The following SLC8A1 variants were observed in gnomAD, a reference collection of about 807,000 sequenced individuals.
SLC8A1 encodes the protein sodium/calcium exchanger 1.
Under a neutral mutation model 68.3 loss-of-function variants are expected in SLC8A1, and 18 were observed. The ratio of observed to expected loss-of-function variants is 0.26; its 90% CI spans 0.18 to 0.39. The LOEUF (loss-of-function observed/expected upper bound fraction) is 0.39, where lower values mean the gene tolerates loss of function less well. Ranked by LOEUF, SLC8A1 falls within the 10% of genes least tolerant of loss-of-function variation. The pLI, the probability that SLC8A1 is intolerant of heterozygous loss-of-function variation, is 1.00. For missense variants in SLC8A1, 985 were observed against 1,156.7 expected (o/e 0.85, Z 2.15); for synonymous variants, 475 against 415.5 (o/e 1.14, Z -1.74).
At chr2:40,428,407 T>G in intron 2 of SLC8A1, 66 bp downstream of exon 2, 1 of 1,431,640 alleles carries the variant, frequency 7.0e-7, no homozygotes, top group Non-Finnish European at 9.1e-7. Flanking sequence ...AGACTCACAT[T>G]CATAAACACA....
chr2:40,487,646 C>T (rs1012717073), intron 1 of SLC8A1, among the ~76,000 whole-genome samples: 1 of 152,160 alleles, frequency 6.6e-6, no homozygotes, highest in Non-Finnish European at 1.5e-5. Context: ...AACAGCAGCT[C>T]TACCAAGATA....
In SLC8A1 at chr2:40,146,521, T is replaced by G. The variant is rs558838956; in HGVS notation, c.2162-6845A>C. On this transcript the variant is annotated intron_variant, in intron 6 of 7. Coordinates refer to ENST00000406785, the Ensembl canonical transcript of SLC8A1. ...TGGTTTTGGGATGATTCAAGCACAT[T>G]ACATGTATTTTGCACTTTATTTCTA... Among the ~76,000 whole-genome samples the G allele has an allele frequency of 2.0e-5, 3 of 152,212 alleles. No individual in the cohort carries two copies. In the East Asian group the frequency reaches 5.8e-4, roughly 29 times the overall value.
At chr2:40,466,819 T>C (rs138320957) in intron 1 of SLC8A1, among the ~76,000 whole-genome samples, 1 of 152,160 alleles carries the variant, frequency 6.6e-6, no homozygotes, top group Non-Finnish European at 1.5e-5. Flanking sequence ...CAATACATGC[T>C]GCTTAATTTT....
intron 2 of SLC8A1, among the ~76,000 whole-genome samples, chr2:40,262,086 C>T (rs941110202): frequency 1.3e-5 from 2 of 151,994 alleles, no homozygotes; most frequent in African/African-American, 4.8e-5. Context: ...TCTCAGCCTC[C>T]TTAGTAGCTG....
intron 2 of SLC8A1, among the ~76,000 whole-genome samples, chr2:40,349,838 A>G (rs546078086): frequency 6.6e-6 from 1 of 152,312 alleles, no homozygotes; most frequent in South Asian, 2.1e-4. Flanking sequence ...CACAAATCAA[A>G]AAAGCTTGAA....
intron 2 of SLC8A1, among the ~76,000 whole-genome samples, chr2:40,216,961 T>C (rs951388020): frequency 6.6e-6 from 1 of 152,242 alleles, no homozygotes; most frequent in East Asian, 1.9e-4. Flanking sequence ...CTGTTCACTC[T>C]GAGGATAGTT....
At chr2:40,216,579 C>T (rs1410855974) in intron 2 of SLC8A1, among the ~76,000 whole-genome samples, 3 of 152,210 alleles carry the variant, frequency 2.0e-5, no homozygotes, top group Non-Finnish European at 2.9e-5. Context: ...AATCGCCACA[C>T]TGTCTTCCAC....
chr2:40,384,631 T>C (rs1281258129), intron 2 of SLC8A1, among the ~76,000 whole-genome samples: 2 of 152,172 alleles, frequency 1.3e-5, no homozygotes, highest in East Asian at 1.9e-4. Flanking sequence ...ATTATAGTTG[T>C]ATTTTGTCAT....
intron 2 of SLC8A1, among the ~76,000 whole-genome samples, chr2:40,339,794 G>C (rs539906503): frequency 7.9e-5 from 12 of 152,258 alleles, no homozygotes; most frequent in Middle Eastern, 3.4e-3. Flanking sequence ...TAGATGGATG[G>C]ATAGAAAGAC....
At chr2:40,202,909 A>G (rs1318585830) in intron 2 of SLC8A1, among the ~76,000 whole-genome samples, 1 of 151,994 alleles carries the variant, frequency 6.6e-6, no homozygotes, top group East Asian at 1.9e-4. Flanking sequence ...CTAATGCCAA[A>G]TAGAATGGCA....
chr2:40,139,028 A>C (rs957945061), intron 7 of SLC8A1, among the ~76,000 whole-genome samples: 12 of 152,218 alleles, frequency 7.9e-5, no homozygotes, highest in Non-Finnish European at 1.8e-4. Context: ...AAATGTACCA[A>C]GTATATAAAA....
At chr2:40,499,298 G>A (rs968544499) in intron 1 of SLC8A1, among the ~76,000 whole-genome samples, 36 of 152,134 alleles carry the variant, frequency 2.4e-4, no homozygotes, top group Non-Finnish European at 2.4e-4. Context: ...TGTAACCTTG[G>A]ACAGATTTCT....
chr2:40,380,843 C>T (rs1681511978), intron 2 of SLC8A1, among the ~76,000 whole-genome samples: 1 of 152,042 alleles, frequency 6.6e-6, no homozygotes, highest in African/African-American at 2.4e-5. Context: ...TACCAGGTGT[C>T]CTACTTCTTC....
chr2:40,458,307 G>A (rs565353737), intron 1 of SLC8A1, among the ~76,000 whole-genome samples: 1 of 152,234 alleles, frequency 6.6e-6, no homozygotes, highest in Non-Finnish European at 1.5e-5. Context: ...TAATTCACCT[G>A]ACATAAGCAG....
chr2:40,148,132 C>G (rs964851341), intron 6 of SLC8A1, among the ~76,000 whole-genome samples: 3 of 152,172 alleles, frequency 2.0e-5, no homozygotes, highest in African/African-American at 7.2e-5. Flanking sequence ...TGGGAAATGT[C>G]TCTCCTCCTT....
At chr2:40,117,506 A>C (rs1279777331) in intron 7 of SLC8A1, among the ~76,000 whole-genome samples, 1 of 151,066 alleles carries the variant, frequency 6.6e-6, no homozygotes, top group East Asian at 1.9e-4. Flanking sequence ...TGGAGGTTGC[A>C]ATGACCCGTG....
At chr2:40,264,329 A>C (rs2149106844) in intron 2 of SLC8A1, among the ~76,000 whole-genome samples, 1 of 152,230 alleles carries the variant, frequency 6.6e-6, no homozygotes, top group South Asian at 2.1e-4. Flanking sequence ...ATACCATTTG[A>C]CCCAGCCATC....
chr2:40,409,392 G>A (rs1054243430), intron 2 of SLC8A1, among the ~76,000 whole-genome samples: 4 of 152,038 alleles, frequency 2.6e-5, no homozygotes, highest in Non-Finnish European at 5.9e-5. Context: ...TGGATTCTTA[G>A]GCTCTTTGTC....
In SLC8A1 at chr2:40,157,175, C is replaced by T. The variant is rs186063049; in HGVS notation, c.2161+3590G>A. ...ATTTGATCATATTTTATTATAGGTTCTATAATAGAATTGCCTCCCAAACAA... is the reference window on the plus strand; with the variant it reads ...ATTTGATCATATTTTATTATAGGTTTTATAATAGAATTGCCTCCCAAACAA... On this transcript the variant is annotated intron_variant, in intron 6 of 7. Coordinates refer to ENST00000406785, the Ensembl canonical transcript of SLC8A1. Among the ~76,000 whole-genome samples, 257 of 152,264 alleles carry T rather than the reference C, an allele frequency of 1.7e-3. 1 individual carries two copies. The highest frequency in any genetic ancestry group is 5.9e-3 in the African/African-American group (245 of 41,544).
Sources: allele counts gnomAD v4.1 joint callset (sites outside exome capture counted in the v4.1 genomes callset), GRCh38; gene constraint gnomAD v4.1.1; transcripts MANE v1.5; gene names NCBI Gene and HGNC (gene_info 2026-07-23, HGNC 2026-07-21).